OR12D2: variants seen among roughly 807,000 people sequenced by gnomAD.
OR12D2 encodes olfactory receptor 12D2.
For synonymous variants in OR12D2, 146 were observed against 142.3 expected (o/e 1.03, Z -0.19); for missense variants, 345 against 371.6 (o/e 0.93, Z 0.59).
In OR12D2 at chr6:29,396,859, C is replaced by T. The variant is rs752585138; in HGVS notation, c.160C>T (p.His54Tyr). The T allele has an allele frequency of 3.4e-5, 55 of 1,612,802 alleles. No homozygotes were observed. The highest frequency in any genetic ancestry group is 4.2e-5 in the Non-Finnish European group (49 of 1,179,940). ...GATTGTCATCTCCGATCCTAGACTC[C>T]ATTCCCTTATGTATTTCTTCCTGGG... ...LMIVISDPRL[H>Y]SLMYFFLGNL... The change falls in exon 2 of 2, where the codon CAT (histidine) becomes TAT (tyrosine). Residue 54 changes from histidine (H) to tyrosine (Y), a missense_variant. Physicochemically the swap from His to Tyr is moderately conservative, Grantham distance 83. Coordinates refer to ENST00000642051, the MANE Select transcript of OR12D2 (RefSeq NM_013936.4).
Position 29,397,716 on chromosome 6 carries a change from AGT to A in OR12D2, c.*96_*97del. The A allele has an allele frequency of 8.9e-7, 1 of 1,124,170 alleles. No individual in the cohort carries two copies. The highest frequency in any genetic ancestry group is 1.6e-5 in the African/African-American group (1 of 64,016). 69.6% of individuals were successfully genotyped at this position (1,124,170 alleles called of 1,614,324 possible). A position where few individuals can be genotyped will look rare whatever the true frequency, so the allele number is the denominator to read the frequency against. On this transcript the variant is annotated 3_prime_UTR_variant, in exon 2 of 2. Transcript: ENST00000642051. ...TTTACTGCTTCTCAGATGGTTTATA[AGT>A]GTAAAATAGAGGCAACTGGATAAAA...
Position 29,397,423 on chromosome 6 carries a change from T to C in OR12D2, c.724T>C (p.Ser242Pro), listed in dbSNP as rs61742210. 1.3e-3 allele frequency: 2,020 copies of C among 1,613,040 alleles called. 26 individuals carry two copies. In the African/African-American group the frequency reaches 0.024, roughly 19 times the overall value. ...CTGTAAAGCACTGTCCACTTGTGCC[T>C]CCCACTTCATGGTAGTTATTCTTTT... ...MLCKALSTCA[S>P]HFMVVILFYA... The change falls in exon 2 of 2, where the codon TCC (serine) becomes CCC (proline). Residue 242 changes from serine (S) to proline (P), a missense_variant. Physicochemically the swap from Ser to Pro is moderately conservative, Grantham distance 74. Transcript: ENST00000642051.
At chr6:29,395,964 TC>T (rs1197924818) in intron 1 of OR12D2, 149 bp downstream of exon 1, 1 of 152,278 alleles carries the variant, frequency 6.6e-6, no homozygotes, top group Non-Finnish European at 1.5e-5. Context: ...CCAGTAGAGC[TC>T]CATGACATTG....
At position 29,397,320 on chromosome 6, in the gene OR12D2, C is replaced by T. The variant is rs764288282; in HGVS notation, c.621C>T (p.Gly207=). The change falls in exon 2 of 2, where the codon GGC becomes GGT. Residue 207 remains glycine (G), a synonymous_variant. Coordinates refer to ENST00000642051, the MANE Select transcript of OR12D2 (RefSeq NM_013936.4). ...LSTVTGTIAM[G]PFFLTLLSYF... is the part of the protein sequence containing the mutation. ...CTGTCACGGGGACAATTGCCATGGG[C>T]CCCTTCTTTCTGACACTTCTCTCCT... 1.2e-6 allele frequency: 2 copies of T among 1,613,024 alleles called. No homozygotes were observed. The highest frequency in any genetic ancestry group is 1.7e-6 in the Non-Finnish European group (2 of 1,180,026).
chr6:29,397,157 A>G lies in OR12D2; in HGVS notation c.458A>G (p.His153Arg). Residue 153 changes from histidine to arginine, a missense_variant, in exon 2 of 2, where the codon CAT (histidine) becomes CGT (arginine). Coordinates refer to ENST00000642051, the MANE Select transcript of OR12D2 (RefSeq NM_013936.4). ...AITIWVIGFF[H>R]ALLHSVMTSR... is the part of the protein sequence containing the mutation. The stretch of plus-strand genomic sequence containing the variant: ...ACAATCTGGGTCATTGGTTTTTTCC[A>G]TGCCCTGCTGCACTCCGTAATGACT... 2 of 1,613,022 alleles carry G rather than the reference A, an allele frequency of 1.2e-6. No individual in the cohort carries two copies. Among genetic ancestry groups the G allele is most frequent in the Non-Finnish European group, 1.7e-6 (2 of 1,180,000 alleles).
rs773238462 is a variant in OR12D2 at position 29,397,602 on chromosome 6, T to C, written c.903T>C (p.Gly301=). The part of the protein sequence containing the change: ...LRNKEVKGAL[G]RVIRRL ...ACAAGGAAGTGAAGGGGGCCTTGGG[T>C]AGAGTGATCAGAAGGCTTTGATTTG... Residue 301 remains glycine, a synonymous_variant, in exon 2 of 2, where the codon GGT becomes GGC. Coordinates refer to ENST00000642051, the MANE Select transcript of OR12D2 (RefSeq NM_013936.4). The C allele has an allele frequency of 1.2e-6, 2 of 1,612,458 alleles. No individual in the cohort carries two copies. The highest frequency in any genetic ancestry group is 3.3e-5 in the Admixed American group (2 of 59,990).
intron 1 of OR12D2, among the ~76,000 whole-genome samples, chr6:29,396,398 G>A (rs1041169275): frequency 1.3e-5 from 2 of 152,080 alleles, no homozygotes; most frequent in African/African-American, 2.4e-5. Context: ...AACAGAATAC[G>A]GATGTATTCT....
chr6:29,397,005 C>T lies in OR12D2; in HGVS notation c.306C>T (p.Phe102=). The change falls in exon 2 of 2, where the codon TTC becomes TTT. Residue 102 remains phenylalanine, a synonymous_variant. Coordinates refer to ENST00000642051, the MANE Select transcript of OR12D2 (RefSeq NM_013936.4). ...GATGCATAAGCCAGCTTCATTTCTT[C>T]CACTCCCTGGGCAGCACGGAGTCCA... ...FLGCISQLHF[F]HSLGSTESML... is the part of the protein sequence containing the mutation. 1.2e-6 allele frequency: 2 copies of T among 1,613,130 alleles called. No homozygotes were observed. The highest frequency in any genetic ancestry group is 1.1e-5 in the South Asian group (1 of 91,088).
At position 29,397,371 on chromosome 6, in the gene OR12D2, C is replaced by T; in HGVS notation, c.672C>T (p.Phe224=). ...LSYFYIITYL[F]FKTRSCSMLC... ...ATTTCTACATTATCACTTATCTCTT[C>T]TTCAAGACCCGTTCTTGTAGCATGC... Residue 224 remains phenylalanine (F), a synonymous_variant, in exon 2 of 2, where the codon TTC becomes TTT. Coordinates refer to ENST00000642051, the MANE Select transcript of OR12D2 (RefSeq NM_013936.4). The T allele has an allele frequency of 6.2e-7, 1 of 1,613,082 alleles. No individual in the cohort carries two copies. The highest frequency in any genetic ancestry group is 8.5e-7 in the Non-Finnish European group (1 of 1,180,040).
At chr6:29,396,133 T>TAAGTCAAAAAA (rs1218743022) in intron 1 of OR12D2, among the ~76,000 whole-genome samples, 9 of 23,382 alleles carry the variant, frequency 3.8e-4, no homozygotes, top group Non-Finnish European at 5.0e-4. Flanking sequence ...CTTCCTCTCT[T>TAAGTCAAAAAA]TTTTTTTTTT....
At position 29,397,816 on chromosome 6, in the gene OR12D2, G is replaced by C; in HGVS notation, c.*193G>C. 1.8e-6 allele frequency: 1 copy of C among 547,112 alleles called. No homozygotes were observed. Among genetic ancestry groups the C allele is most frequent in the Admixed American group, 3.5e-5 (1 of 28,420 alleles). The allele number at this position is 547,112 out of a possible 1,614,324, so 33.9% of individuals were successfully genotyped here. A position where few individuals can be genotyped will look rare whatever the true frequency, so the allele number is the denominator to read the frequency against. Reference sequence around the variant, plus strand: ...ATATGAGGAATACTTGAAAATGCAAGACACTAGCCATGGAACCCTAATGCT... The same window carrying C: ...ATATGAGGAATACTTGAAAATGCAACACACTAGCCATGGAACCCTAATGCT... On this transcript the variant is annotated 3_prime_UTR_variant, in exon 2 of 2. Coordinates refer to ENST00000642051, the MANE Select transcript of OR12D2 (RefSeq NM_013936.4).
rs11752608 is a variant in OR12D2 at position 29,397,094 on chromosome 6, T to G, written c.395T>G (p.Val132Gly). 3,973 of 1,613,194 alleles carry G rather than the reference T, an allele frequency of 2.5e-3. 14 individuals are homozygous for G. Among genetic ancestry groups the G allele is most frequent in the African/African-American group, 0.01 (765 of 75,046 alleles). The change falls in exon 2 of 2, where the codon GTC becomes GGC. Residue 132 changes from valine to glycine, a missense_variant. Physicochemically the swap from Val to Gly is moderately radical, Grantham distance 109. Transcript: ENST00000642051. Reference sequence around the variant, plus strand: ...ATCTGCAAGCCACTTCGCTACACTGTCATCATGAACCCTCAGCTCTGTACC... The same window carrying G: ...ATCTGCAAGCCACTTCGCTACACTGGCATCATGAACCCTCAGCTCTGTACC... ...VAICKPLRYTVIMNPQLCTQM... is the reference protein window; with the variant it reads ...VAICKPLRYTGIMNPQLCTQM...
rs929481842 is a variant in OR12D2, at chr6:29,397,551, AAAC to A, written c.853_855del (p.Asn285del). 3 of 1,612,888 alleles carry A rather than the reference AAAC, an allele frequency of 1.9e-6. No homozygotes were observed. The highest frequency in any genetic ancestry group is 2.5e-6 in the Non-Finnish European group (3 of 1,180,012). On this transcript the variant is annotated inframe_deletion, in exon 2 of 2. Coordinates refer to ENST00000642051, the MANE Select transcript of OR12D2 (RefSeq NM_013936.4). ...TGTACACTGTGGTCACTCCTGTACT[AAAC>A]CCACTGATCTATACTTTGAGGAACA... is the stretch of plus-strand genomic sequence containing the variant.
rs1466959760 is a variant in OR12D2 at position 29,397,882 on chromosome 6, A to T, written c.*259A>T. The T allele has an allele frequency of 2.1e-6, 1 of 480,018 alleles. No individual in the cohort carries two copies. The highest frequency in any genetic ancestry group is 3.7e-6 in the Non-Finnish European group (1 of 273,784). 29.7% of individuals were successfully genotyped at this position (480,018 alleles called of 1,614,324 possible). A position where few individuals can be genotyped will look rare whatever the true frequency, so the allele number is the denominator to read the frequency against. ...TATCAGTTGATGTAATTGACTTATT[A>T]TGTATTCTAACATGTACTTGTATGC... is the stretch of plus-strand genomic sequence containing the variant. On this transcript the variant is annotated 3_prime_UTR_variant, in exon 2 of 2. Transcript: ENST00000642051.
Position 29,397,185 on chromosome 6 carries a change from T to A in OR12D2, c.486T>A (p.Ser162=), listed in dbSNP as rs1465004322. ...CCCTGCTGCACTCCGTAATGACTTC[T>A]CGCTTGAACTTCTGTGGTTCCAACC... ...FHALLHSVMT[S]RLNFCGSNRI... The change falls in exon 2 of 2, where the codon TCT becomes TCA. Residue 162 remains serine, a synonymous_variant. Transcript: ENST00000642051. 6.2e-7 allele frequency: 1 copy of A among 1,613,086 alleles called. No individual in the cohort carries two copies. The highest frequency in any genetic ancestry group is 8.5e-7 in the Non-Finnish European group (1 of 1,180,018).
In OR12D2 at chr6:29,397,622, G is replaced by C. The variant is rs1780635494; in HGVS notation, c.923G>C (p.Ter308SerextTer3). The C allele has an allele frequency of 6.2e-7, 1 of 1,609,202 alleles. No homozygotes were observed. Among genetic ancestry groups the C allele is most frequent in the Non-Finnish European group, 8.5e-7 (1 of 1,178,132 alleles). Residue 308 changes from the stop codon to serine (S), a stop_lost, in exon 2 of 2, where the codon TGA becomes TCA. Transcript: ENST00000642051. Reference protein sequence around the residue: ...GALGRVIRRL* With the variant: ...GALGRVIRRLS Reference sequence around the variant, plus strand: ...TTGGGTAGAGTGATCAGAAGGCTTTGATTTGAATAAACCAGAGAACTCTAC... The same window carrying C: ...TTGGGTAGAGTGATCAGAAGGCTTTCATTTGAATAAACCAGAGAACTCTAC...
rs61737687 is a variant in OR12D2 at position 29,397,596 on chromosome 6, C to T, written c.897C>T (p.Ala299=). ...TGAGGAACAAGGAAGTGAAGGGGGCCTTGGGTAGAGTGATCAGAAGGCTTT... is the reference window on the plus strand; with the variant it reads ...TGAGGAACAAGGAAGTGAAGGGGGCTTTGGGTAGAGTGATCAGAAGGCTTT... ...YTLRNKEVKG[A]LGRVIRRL The change falls in exon 2 of 2, where the codon GCC becomes GCT. Residue 299 remains alanine (A), a synonymous_variant. Transcript: ENST00000642051. The T allele has an allele frequency of 2.2e-4, 358 of 1,612,774 alleles. 1 individual carries two copies. The African/African-American group carries it at 4.4e-3, about 20-fold the overall frequency.
chr6:29,397,707 T>G lies in OR12D2; in HGVS notation c.*84T>G. On this transcript the variant is annotated 3_prime_UTR_variant, in exon 2 of 2. Transcript: ENST00000642051. ...ATGTGTAATTTTACTGCTTCTCAGA[T>G]GGTTTATAAGTGTAAAATAGAGGCA... 5 of 1,259,138 alleles carry G rather than the reference T, an allele frequency of 4.0e-6. No homozygotes were observed. Among genetic ancestry groups the G allele is most frequent in the Non-Finnish European group, 5.5e-6 (5 of 909,346 alleles). The allele number at this position is 1,259,138 out of a possible 1,614,324, so 78.0% of individuals were successfully genotyped here.
chr6:29,395,873 G>A (rs937254774), intron 1 of OR12D2, 58 bp downstream of exon 1: 7 of 152,126 alleles, frequency 4.6e-5, no homozygotes, highest in Non-Finnish European at 8.8e-5. Flanking sequence ...AAGAAACTAA[G>A]CACATTATCT....
Sources: allele counts gnomAD v4.1 joint callset (sites outside exome capture counted in the v4.1 genomes callset), GRCh38; gene constraint gnomAD v4.1.1; transcripts MANE v1.5; gene names NCBI Gene and HGNC (gene_info 2026-07-23, HGNC 2026-07-21).